The following BCAR3 variants were observed in gnomAD, a reference collection of about 807,000 sequenced individuals.
BCAR3 encodes the protein breast cancer anti-estrogen resistance protein 3.
A neutral mutation model predicts 80.1 loss-of-function variants in BCAR3; 37 were observed. The observed-to-expected ratio is 0.46, with a 90% CI of 0.36 to 0.61. BCAR3 has a LOEUF of 0.61. Ranked by LOEUF, BCAR3 falls within the 20% of genes least tolerant of loss-of-function variation. The probability of loss-of-function intolerance (pLI) is 0.00; values close to 1 mark genes in which losing one functional copy is unlikely to be tolerated. For synonymous variants in BCAR3, 389 were observed against 418.9 expected (o/e 0.93, Z 0.87); for missense variants, 978 against 1,068.2 (o/e 0.92, Z 1.18).
At chr1:93,573,223 C>G (rs1399030119) in intron 8 of BCAR3, among the ~76,000 whole-genome samples, 1 of 152,022 alleles carries the variant, frequency 6.6e-6, no homozygotes, top group Non-Finnish European at 1.5e-5. Context: ...TGGGCTAAAC[C>G]CCATCTCTAC....
intron 2 of BCAR3, among the ~76,000 whole-genome samples, chr1:93,808,181 C>T (rs557468711): frequency 1.6e-4 from 24 of 151,998 alleles, no homozygotes; most frequent in Non-Finnish European, 2.2e-4. Flanking sequence ...TAGTTTAACA[C>T]GTTAAAGCAC....
At chr1:93,846,797 G>A (rs749100054) in intron 1 of BCAR3, 1 of 457,266 alleles carries the variant, frequency 2.2e-6, no homozygotes, top group South Asian at 1.6e-5. Flanking sequence ...AGGTGCTGGC[G>A]GCAAGACGAG....
chr1:93,635,105 G>T (rs1277171614), intron 3 of BCAR3, among the ~76,000 whole-genome samples: 1 of 151,992 alleles, frequency 6.6e-6, no homozygotes, highest in African/African-American at 2.4e-5. Context: ...AGTGCCTGGA[G>T]TCCTAGCTAC....
intron 3 of BCAR3, among the ~76,000 whole-genome samples, chr1:93,634,507 C>T (rs925293422): frequency 4.6e-5 from 7 of 151,894 alleles, no homozygotes; most frequent in African/African-American, 7.3e-5. Context: ...GGCTGGCCAA[C>T]GTGGCAAAAC....
At chr1:93,566,191 A>C (rs1160360356) in intron 11 of BCAR3, among the ~76,000 whole-genome samples, 1 of 152,072 alleles carries the variant, frequency 6.6e-6, no homozygotes, top group Non-Finnish European at 1.5e-5. Flanking sequence ...TCTAAACCCA[A>C]GTACTTGTGG....
intron 1 of BCAR3, among the ~76,000 whole-genome samples, chr1:93,675,993 T>C (rs928509952): frequency 7.0e-6 from 1 of 142,156 alleles, no homozygotes; most frequent in Admixed American, 7.0e-5. Context: ...TGTCTTATAC[T>C]AGTCATGATA....
At chr1:93,825,932 A>G (rs1210915560) in intron 2 of BCAR3, among the ~76,000 whole-genome samples, 2 of 152,166 alleles carry the variant, frequency 1.3e-5, no homozygotes, top group Non-Finnish European at 2.9e-5. Context: ...GCCTAGTGGA[A>G]CCATTTCTGG....
chr1:93,731,295 G>C (rs754173823), intron 2 of BCAR3, among the ~76,000 whole-genome samples: 27 of 152,212 alleles, frequency 1.8e-4, no homozygotes, highest in Admixed American at 7.2e-4. Flanking sequence ...TAATGTACCA[G>C]TATTGGTTTC....
intron 2 of BCAR3, among the ~76,000 whole-genome samples, chr1:93,748,297 C>T (rs1651427924): frequency 1.3e-5 from 2 of 152,098 alleles, no homozygotes; most frequent in South Asian, 4.2e-4. Context: ...ATTTCAGTGG[C>T]CAGCTCCCCC....
At chr1:93,737,495 C>T (rs12134359) in intron 2 of BCAR3, among the ~76,000 whole-genome samples, 40,869 of 152,060 alleles carry the variant, frequency 0.27, 6,713 homozygotes, top group East Asian at 0.52. Flanking sequence ...CAAGGAATGT[C>T]GGGGATGTTG....
chr1:93,585,489 C>T (rs1673904058), intron 5 of BCAR3, among the ~76,000 whole-genome samples: 1 of 152,130 alleles, frequency 6.6e-6, no homozygotes, highest in Non-Finnish European at 1.5e-5. Flanking sequence ...AGTTTTTAAA[C>T]CAGGATCATT....
chr1:93,592,572 G>T lies in BCAR3; in HGVS notation c.358-179C>A. 1.2e-6 allele frequency: 1 copy of T among 813,382 alleles called. No individual in the cohort carries two copies. 50.4% of individuals were successfully genotyped at this position (813,382 alleles called of 1,614,324 possible). Reference sequence around the variant, plus strand: ...CTTTCGTTTCTCCGGCCGCAACCATGTAATAAAATTTTCACCTGCACATGG... The same window carrying T: ...CTTTCGTTTCTCCGGCCGCAACCATTTAATAAAATTTTCACCTGCACATGG... On this transcript the variant is annotated intron_variant, in intron 3 of 11. Transcript: ENST00000260502. This position sits in a 1 kb window ranked among gnomAD's most constrained non-coding sequence, Gnocchi z 4.8.
chr1:93,830,184 C>T (rs745733428), intron 2 of BCAR3, among the ~76,000 whole-genome samples: 2 of 152,054 alleles, frequency 1.3e-5, no homozygotes, highest in Non-Finnish European at 2.9e-5. Flanking sequence ...CCAGTTTGGC[C>T]GGGTGTGGTG....
intron 2 of BCAR3, among the ~76,000 whole-genome samples, chr1:93,823,731 T>C (rs61782407): frequency 0.11 from 14,220 of 134,182 alleles, 3,319 homozygotes; most frequent in South Asian, 0.16. Flanking sequence ...AGACGGAGTC[T>C]CGCTCTGTGG....
At chr1:93,803,547 C>A (rs1653564691) in intron 2 of BCAR3, among the ~76,000 whole-genome samples, 1 of 152,000 alleles carries the variant, frequency 6.6e-6, no homozygotes, top group Non-Finnish European at 1.5e-5. Context: ...CCCTGTATAC[C>A]CAGTGGCTCC....
At chr1:93,828,644 G>A (rs574355619) in intron 2 of BCAR3, among the ~76,000 whole-genome samples, 15 of 152,230 alleles carry the variant, frequency 9.9e-5, no homozygotes, top group Middle Eastern at 3.4e-3. Context: ...CATAAAAGTG[G>A]ACAGTTTTCC....
chr1:93,717,426 A>C (rs979080427), intron 2 of BCAR3, among the ~76,000 whole-genome samples: 1 of 152,202 alleles, frequency 6.6e-6, no homozygotes, highest in African/African-American at 2.4e-5. Flanking sequence ...ACATGGAAGT[A>C]AGAATTGGAG....
At chr1:93,652,706 T>G (rs1676362599) in intron 2 of BCAR3, among the ~76,000 whole-genome samples, 2 of 152,138 alleles carry the variant, frequency 1.3e-5, no homozygotes, top group African/African-American at 4.8e-5. Flanking sequence ...CCATGGTGGG[T>G]GCATCTCTAC....
chr1:93,768,026 A>G (rs757326856), intron 2 of BCAR3, among the ~76,000 whole-genome samples: 7 of 152,184 alleles, frequency 4.6e-5, no homozygotes, highest in Admixed American at 3.9e-4. Flanking sequence ...AAAAGACAGG[A>G]ACATAGCAAG....
Sources: gnomAD v4.1 joint callset for allele counts (sites outside exome capture counted in the v4.1 genomes callset) on GRCh38, gnomAD v4.1.1 for gene constraint, Gnocchi (gnomAD v3.1) non-coding constraint, MANE v1.5 for transcripts, NCBI Gene and HGNC (gene_info 2026-07-23, HGNC 2026-07-21) for gene names.